The following EXOSC8 variants were observed in gnomAD, a reference collection of about 807,000 sequenced individuals.
EXOSC8 encodes the protein exosome component 8.
Under a neutral mutation model 39.9 loss-of-function variants are expected in EXOSC8, and 37 were observed. The observed-to-expected ratio is 0.93, with a 90% confidence interval of 0.71 to 1.22. The LOEUF (loss-of-function observed/expected upper bound fraction) is 1.22. Ranked by LOEUF, EXOSC8 falls within the 50% of genes most tolerant of loss-of-function variation. The probability of loss-of-function intolerance (pLI) is 0.00; values close to 1 mark genes in which losing one functional copy is unlikely to be tolerated. For synonymous variants in EXOSC8, 93 were observed against 109.5 expected (o/e 0.85, Z 0.94); for missense variants, 313 against 326.6 (o/e 0.96, Z 0.32).
intron 7 of EXOSC8, 93 bp downstream of exon 7, chr13:37,006,253 T>C: frequency 1.3e-6 from 1 of 784,646 alleles, no homozygotes. Flanking sequence ...AAACCACCAA[T>C]CAAAGTAGCT....
intron 1 of EXOSC8, among the ~76,000 whole-genome samples, chr13:37,002,052 A>G (rs916478275): frequency 4.6e-5 from 7 of 152,228 alleles, no homozygotes; most frequent in Non-Finnish European, 8.8e-5. Context: ...AGCTCACTCA[A>G]AGGGCTTTTA....
At chr13:37,008,871 G>T in intron 10 of EXOSC8, 36 bp downstream of exon 10, 1 of 1,343,650 alleles carries the variant, frequency 7.4e-7, no homozygotes, top group South Asian at 1.2e-5. Context: ...AACATATGTA[G>T]ATGAAAACTC....
rs1443053879 is a variant in EXOSC8, at chr13:37,007,181, AT to A, written c.487+111del. On this transcript the variant is annotated intron_variant, in intron 8 of 10. Transcript: ENST00000389704. ...GTATGCTTCCAAATTAATGAATGTA[AT>A]GCTGACATGACTTTCCAAATATAGT... 3 of 728,596 alleles carry A rather than the reference AT, an allele frequency of 4.1e-6. No homozygotes were observed. The East Asian group carries it at 7.9e-5, about 19-fold the overall frequency. The allele number at this position is 728,596 out of a possible 1,614,324, so 45.1% of individuals were successfully genotyped here.
At chr13:37,007,099 T>C (rs765495007) in intron 8 of EXOSC8, 28 bp downstream of exon 8, 2 of 1,330,098 alleles carry the variant, frequency 1.5e-6, no homozygotes, top group South Asian at 2.3e-5. Context: ...AAAGGCAATA[T>C]TCCCACTCAT....
At chr13:37,002,458 A>G in intron 2 of EXOSC8, 30 bp from the exon 3 acceptor site, 1 of 1,430,070 alleles carries the variant, frequency 7.0e-7, no homozygotes, top group South Asian at 1.3e-5. Flanking sequence ...AATAGGTATA[A>G]TCTATTTTTA....
intron 1 of EXOSC8, among the ~76,000 whole-genome samples, chr13:37,002,005 C>T (rs1445516444): frequency 2.0e-5 from 3 of 152,034 alleles, no homozygotes; most frequent in Non-Finnish European, 4.4e-5. Context: ...AGAGCAAGAA[C>T]GACATGATTC....
chr13:37,002,618 C>G, intron 3 of EXOSC8, 67 bp downstream of exon 3: 2 of 1,076,492 alleles, frequency 1.9e-6, no homozygotes, highest in Non-Finnish European at 2.7e-6. Flanking sequence ...ACCAGCCAAA[C>G]AGTTTTTCAC....
chr13:37,007,148 T>C, intron 8 of EXOSC8, 77 bp downstream of exon 8: 1 of 907,580 alleles, frequency 1.1e-6, no homozygotes, highest in Non-Finnish European at 1.8e-6. Flanking sequence ...TAATGTACAT[T>C]TGCTTTCGTA....
Position 37,008,188 on chromosome 13 carries a change from C to A in EXOSC8, c.608+11C>A. ...TGCTGTGTTTGATGAGTAAGTTAATCAAACTTACTTTAAAATTTTCTATAT... is the reference window on the plus strand; with the variant it reads ...TGCTGTGTTTGATGAGTAAGTTAATAAAACTTACTTTAAAATTTTCTATAT... On this transcript the variant is annotated intron_variant, in intron 9 of 10. Coordinates refer to ENST00000389704, the MANE Select transcript of EXOSC8 (RefSeq NM_181503.3). 1.3e-6 allele frequency: 2 copies of A among 1,584,758 alleles called. No individual in the cohort carries two copies. The highest frequency in any genetic ancestry group is 2.3e-5 in the South Asian group (2 of 86,788).
intron 5 of EXOSC8, 124 bp downstream of exon 5, chr13:37,004,685 AAAAC>A (rs1208921244): frequency 1.1e-5 from 7 of 620,214 alleles, no homozygotes; most frequent in African/African-American, 7.5e-5. Flanking sequence ...ATTTATGAAT[AAAAC>A]AAATTCCTCA....
intron 5 of EXOSC8, 112 bp downstream of exon 5, chr13:37,004,673 A>T: frequency 1.5e-6 from 1 of 651,924 alleles, no homozygotes; most frequent in Non-Finnish European, 2.6e-6. Flanking sequence ...ATATTCGGAA[A>T]TATTTATGAA....
At chr13:37,007,849 A>AT (rs1358397666) in intron 8 of EXOSC8, among the ~76,000 whole-genome samples, 1 of 152,310 alleles carries the variant, frequency 6.6e-6, no homozygotes, top group African/African-American at 2.4e-5. Flanking sequence ...TTAAAAAAAA[A>AT]TTATGCAATA....
Position 37,005,981 on chromosome 13 carries a change from A to T in EXOSC8, c.300A>T (p.Glu100Asp), listed in dbSNP as rs759585097. Reference protein sequence around the residue: ...SSRFRSGPPGEEAQVASQFIA... With the variant: ...SSRFRSGPPGDEAQVASQFIA... The stretch of plus-strand genomic sequence containing the variant: ...GATTCCGGTCTGGACCTCCTGGAGA[A>T]GAGGCCCAAGTGGCTAGCCAGTTCA... The change falls in exon 6 of 11, where the codon GAA becomes GAT. Residue 100 changes from glutamate (E) to aspartate (D), a missense_variant. Transcript: ENST00000389704. 1.9e-6 allele frequency: 3 copies of T among 1,612,810 alleles called. No homozygotes were observed. The East Asian group carries it at 6.7e-5, about 36-fold the overall frequency.
chr13:37,001,156 T>A (rs930789978), intron 1 of EXOSC8, among the ~76,000 whole-genome samples: 5 of 152,166 alleles, frequency 3.3e-5, no homozygotes, highest in African/African-American at 1.2e-4. Flanking sequence ...ACGCCTGTAA[T>A]CCCAGCACTT....
chr13:37,006,015 G>A lies in EXOSC8; in HGVS notation c.334G>A (p.Val112Ile). The A allele has an allele frequency of 1.2e-6, 2 of 1,603,756 alleles. No homozygotes were observed. Among genetic ancestry groups the A allele is most frequent in the East Asian group, 2.2e-5 (1 of 44,818 alleles). Residue 112 changes from valine (V) to isoleucine (I), a missense_variant, in exon 6 of 11, where the codon GTC (valine) becomes ATC (isoleucine). By Grantham distance (29) the Val-to-Ile change is conservative. Coordinates refer to ENST00000389704, the MANE Select transcript of EXOSC8 (RefSeq NM_181503.3). ...AGTGGCTAGCCAGTTCATTGCAGATGTCATTGAAAAGTAAGAGCACCATGA... is the reference window on the plus strand; with the variant it reads ...AGTGGCTAGCCAGTTCATTGCAGATATCATTGAAAAGTAAGAGCACCATGA... ...AQVASQFIAD[V>I]IENSQIIQKE...
Position 37,008,194 on chromosome 13 carries a change from T to TA in EXOSC8, c.608+18dup. The TA allele has an allele frequency of 6.3e-7, 1 of 1,585,132 alleles. No individual in the cohort carries two copies. Among genetic ancestry groups the TA allele is most frequent in the Non-Finnish European group, 8.6e-7 (1 of 1,163,468 alleles). On this transcript the variant is annotated intron_variant, in intron 9 of 10. Transcript: ENST00000389704. ...GTTTGATGAGTAAGTTAATCAAACT[T>TA]ACTTTAAAATTTTCTATATTTAAGA...
intron 1 of EXOSC8, 93 bp downstream of exon 1, chr13:37,000,915 AC>A (rs2059096000): frequency 2.2e-6 from 3 of 1,383,922 alleles, no homozygotes; most frequent in Non-Finnish European, 2.9e-6. Flanking sequence ...CTGGAGGCCG[AC>A]CCCGTTGGGG....
At chr13:37,002,360 A>T in intron 2 of EXOSC8, 51 bp downstream of exon 2, 1 of 1,496,180 alleles carries the variant, frequency 6.7e-7, no homozygotes, top group Non-Finnish European at 9.3e-7. Context: ...AGCTGCTTTT[A>T]AAGATGAATT....
At chr13:37,009,126 T>C in intron 10 of EXOSC8, 58 bp from the exon 11 acceptor site, 1 of 1,126,500 alleles carries the variant, frequency 8.9e-7, no homozygotes, top group East Asian at 2.4e-5. Flanking sequence ...ATGACATTAA[T>C]GTTTTTTGAA....
Sources: gnomAD v4.1 joint callset for allele counts (sites outside exome capture counted in the v4.1 genomes callset) on GRCh38, gnomAD v4.1.1 for gene constraint, MANE v1.5 for transcripts, NCBI Gene and HGNC (gene_info 2026-07-23, HGNC 2026-07-21) for gene names.